The following PSMB7 variants were observed in gnomAD, a reference collection of about 807,000 sequenced individuals.
PSMB7 encodes the protein proteasome 20S subunit beta 7, also known as proteasome subunit beta type-7.
PSMB7 carries 5 observed loss-of-function variants against 28.1 expected under a neutral mutation model. The observed-to-expected ratio is 0.18, with a 90% CI of 0.09 to 0.37. PSMB7 has a LOEUF of 0.37. PSMB7 is among the 10% of genes least tolerant of loss of function. PSMB7 has a pLI of 1.00. For synonymous variants in PSMB7, 122 were observed against 123.7 expected, an observed-to-expected ratio of 0.99 and a Z score of 0.09; for missense variants, 275 against 346.2, an observed-to-expected ratio of 0.79 and a Z score of 1.63.
intron 1 of PSMB7, 187 bp downstream of exon 1, chr9:124,415,177 G>C: frequency 1.5e-6 from 1 of 670,396 alleles, no homozygotes; most frequent in South Asian, 1.9e-5. Flanking sequence ...GGGAAGGTGG[G>C]AGAGCAGACC....
intron 5 of PSMB7, among the ~76,000 whole-genome samples, chr9:124,398,953 GCA>G (rs1182338210): frequency 6.6e-6 from 1 of 150,604 alleles, no homozygotes; most frequent in African/African-American, 2.5e-5. Flanking sequence ...GCAGACTCTG[GCA>G]CAGAGACATT....
chr9:124,399,223 C>G (rs903987331), intron 5 of PSMB7, among the ~76,000 whole-genome samples: 1 of 152,194 alleles, frequency 6.6e-6, no homozygotes, highest in African/African-American at 2.4e-5. Flanking sequence ...AAAATTAATT[C>G]ACCATCAAAT....
chr9:124,357,367 C>G (rs1139641), intron 6 of PSMB7, among the ~76,000 whole-genome samples: 59,360 of 151,938 alleles, frequency 0.39, 11,881 homozygotes, highest in Non-Finnish European at 0.44. Flanking sequence ...TGGGCCAGAT[C>G]TGGCCCACTG....
At chr9:124,390,682 T>C (rs1289509885) in intron 5 of PSMB7, among the ~76,000 whole-genome samples, 1 of 152,206 alleles carries the variant, frequency 6.6e-6, no homozygotes, top group African/African-American at 2.4e-5. Context: ...TGGGTGGTGC[T>C]ATTTTCTTTT....
intron 5 of PSMB7, 148 bp from the exon 6 acceptor site, chr9:124,384,804 C>A: frequency 1.5e-6 from 1 of 663,274 alleles, no homozygotes; most frequent in Middle Eastern, 2.6e-4. Flanking sequence ...GCCACATAAA[C>A]CAGGTAAAAA....
At position 124,404,557 on chromosome 9, in the gene PSMB7, C is replaced by T. The variant is rs1417654529; in HGVS notation, c.511+760G>A. 3.3e-5 allele frequency among the ~76,000 whole-genome samples: 5 copies of T among 152,106 alleles called. No individual in the cohort carries two copies. In the South Asian group the frequency reaches 6.2e-4, roughly 19 times the overall value. On this transcript the variant is annotated intron_variant, in intron 5 of 7. Coordinates refer to ENST00000259457, the MANE Select transcript of PSMB7 (RefSeq NM_002799.4). ...ATCCAAAAATCCAGAATCAAAAATG[C>T]TCCAATGAGGCTGGGCAGAGTGGCT...
chr9:124,398,506 C>G (rs1243635722), intron 5 of PSMB7: 1 of 331,644 alleles, frequency 3.0e-6, no homozygotes, highest in South Asian at 2.6e-5. Flanking sequence ...GTAAAAATCA[C>G]GTTGTTTTTG....
At chr9:124,396,592 A>ACC (rs1036568185) in intron 5 of PSMB7, among the ~76,000 whole-genome samples, 1 of 152,118 alleles carries the variant, frequency 6.6e-6, no homozygotes, top group African/African-American at 2.4e-5. Context: ...CCTGGCAGTG[A>ACC]CCCCAAGTCT....
At chr9:124,379,208 C>A (rs1377115725) in intron 6 of PSMB7, among the ~76,000 whole-genome samples, 1 of 152,166 alleles carries the variant, frequency 6.6e-6, no homozygotes, top group Non-Finnish European at 1.5e-5. Context: ...ACCTTCATTT[C>A]CATCACAGCT....
At chr9:124,375,402 G>A (rs1830600052) in intron 6 of PSMB7, among the ~76,000 whole-genome samples, 1 of 152,024 alleles carries the variant, frequency 6.6e-6, no homozygotes, top group African/African-American at 2.4e-5. Context: ...GAACTCAACC[G>A]ATCCGCCCGT....
rs764382926 is a variant in PSMB7, at chr9:124,356,775, C to G, written c.711G>C (p.Lys237Asn). The change falls in exon 7 of 8, where the codon AAG becomes AAC. Residue 237 changes from lysine (K) to asparagine (N), a missense_variant. This residue lies in a region of PSMB7 where 213 missense variants were observed against 302.4 expected (regional missense o/e 0.70). Coordinates refer to ENST00000259457, the MANE Select transcript of PSMB7 (RefSeq NM_002799.4). The surrounding 1 kb of genome is among the most constrained non-coding windows in gnomAD (Gnocchi z 4.4). The stretch of plus-strand genomic sequence containing the variant: ...TCTCCTTCACTCACCTGGTCCCCTT[C>G]TTGTTGGGCACTGTGTATGGGCGGA... ...DFLRPYTVPN[K>N]KGTRLGRYRC... 1.2e-6 allele frequency: 2 copies of G among 1,612,740 alleles called. No individual in the cohort carries two copies. Among genetic ancestry groups the G allele is most frequent in the South Asian group, 2.2e-5 (2 of 90,972 alleles).
chr9:124,407,357 T>C (rs1277768548), intron 4 of PSMB7, among the ~76,000 whole-genome samples: 1 of 152,182 alleles, frequency 6.6e-6, no homozygotes, highest in African/African-American at 2.4e-5. Flanking sequence ...GGAAAAGATT[T>C]TAGCAGTAGC....
At chr9:124,410,649 C>A (rs568135342) in intron 4 of PSMB7, among the ~76,000 whole-genome samples, 2 of 152,306 alleles carry the variant, frequency 1.3e-5, no homozygotes, top group South Asian at 4.1e-4. Context: ...ATGATACGTA[C>A]ACAAACATAA....
intron 5 of PSMB7, among the ~76,000 whole-genome samples, chr9:124,400,318 G>T (rs1830888437): frequency 6.6e-6 from 1 of 152,232 alleles, no homozygotes; most frequent in African/African-American, 2.4e-5. Context: ...TCCGTGAGGT[G>T]GTGGGAGACA....
intron 5 of PSMB7, among the ~76,000 whole-genome samples, chr9:124,385,338 T>C (rs571340949): frequency 6.6e-6 from 1 of 152,364 alleles, no homozygotes; most frequent in South Asian, 2.1e-4. Context: ...GCTGAAAGGT[T>C]ATGCTGCATA....
intron 6 of PSMB7, among the ~76,000 whole-genome samples, chr9:124,376,488 T>C (rs1830609998): frequency 6.6e-6 from 1 of 152,230 alleles, no homozygotes. Flanking sequence ...TCCTTAAACT[T>C]TTCTGTTCCT....
At chr9:124,400,301 C>T (rs929397585) in intron 5 of PSMB7, among the ~76,000 whole-genome samples, 8 of 152,246 alleles carry the variant, frequency 5.3e-5, no homozygotes, top group African/African-American at 1.9e-4. Flanking sequence ...GGCAAAAATA[C>T]TCAGCATCCG....
chr9:124,389,674 A>G (rs1182785172), intron 5 of PSMB7, among the ~76,000 whole-genome samples: 1 of 152,104 alleles, frequency 6.6e-6, no homozygotes, highest in African/African-American at 2.4e-5. Flanking sequence ...TCCACTGCAG[A>G]CACTCCACAG....
At chr9:124,412,708 G>A (rs1831041462) in intron 3 of PSMB7, among the ~76,000 whole-genome samples, 1 of 152,118 alleles carries the variant, frequency 6.6e-6, no homozygotes, top group Admixed American at 6.6e-5. Context: ...TGGCCCAATG[G>A]AACACATGAA....
Sources: gnomAD v4.1 joint callset for allele counts (sites outside exome capture counted in the v4.1 genomes callset) on GRCh38, gnomAD v4.1.1 for gene constraint, gnomAD v4.1.1 regional missense constraint, Gnocchi (gnomAD v3.1) non-coding constraint, MANE v1.5 for transcripts, NCBI Gene and HGNC (gene_info 2026-07-23, HGNC 2026-07-21) for gene names.